Variants in DIP2A observed in about 807,000 individuals in gnomAD.
The protein encoded by DIP2A is DIP2 acetate--CoA ligase A.
Under a neutral mutation model 177.4 loss-of-function variants are expected in DIP2A, and 85 were observed. That is an observed-to-expected ratio of 0.48 (90% CI 0.40 to 0.57). The LOEUF (loss-of-function observed/expected upper bound fraction) is 0.57. Among genes scored for constraint, DIP2A ranks in the 20% least tolerant of loss-of-function variants. The probability of loss-of-function intolerance (pLI) is 0.00; values close to 1 mark genes in which losing one functional copy is unlikely to be tolerated. For synonymous variants in DIP2A, 886 were observed against 881.8 expected, an observed-to-expected ratio of 1.00 and a Z score of -0.08; for missense variants, 1,791 against 2,100.2, an observed-to-expected ratio of 0.85 and a Z score of 2.88.
At chr21:46,572,461 C>G (rs1377576884), downstream of DIP2A, among the ~76,000 whole-genome samples, 6 of 152,088 alleles carry the variant, frequency 3.9e-5, no homozygotes, top group Admixed American at 3.9e-4. Flanking sequence ...TTGAGTGACC[C>G]CCAATGTGGC....
intron 7 of DIP2A, among the ~76,000 whole-genome samples, chr21:46,509,879 G>T (rs935840039): frequency 2.0e-5 from 3 of 152,106 alleles, no homozygotes; most frequent in Non-Finnish European, 4.4e-5. Flanking sequence ...CCCCATGCTG[G>T]TCCTACTCGC....
intron 23 of DIP2A, 87 bp from the exon 24 acceptor site, chr21:46,551,547 T>A: frequency 8.3e-7 from 1 of 1,202,706 alleles, no homozygotes; most frequent in Non-Finnish European, 1.2e-6. Context: ...TCAAGTATGT[T>A]TTCAAAATAA....
intron 37 of DIP2A, 28 bp from the exon 38 acceptor site, chr21:46,567,342 T>A (rs559186731): frequency 6.3e-7 from 1 of 1,599,472 alleles, no homozygotes; most frequent in Non-Finnish European, 8.5e-7. Context: ...CCTGTATCCA[T>A]GTGACCCAGT....
intron 18 of DIP2A, 127 bp downstream of exon 18, chr21:46,542,022 C>T: frequency 8.9e-7 from 1 of 1,122,058 alleles, no homozygotes. Flanking sequence ...GATCTTGGCT[C>T]ACTGCATCCT....
chr21:46,498,618 G>A lies in DIP2A; in HGVS notation c.440G>A (p.Arg147Gln), dbSNP rs748714496. 6.2e-6 allele frequency: 10 copies of A among 1,612,204 alleles called. No individual in the cohort carries two copies. In the African/African-American group the frequency reaches 1.1e-4, roughly 17 times the overall value. The change falls in exon 5 of 38, where the codon CGG (arginine) becomes CAG (glutamine). Residue 147 changes from arginine to glutamine, a missense_variant. By Grantham distance (43) the Arg-to-Gln change is conservative. Coordinates refer to ENST00000417564, the MANE Select transcript of DIP2A (RefSeq NM_015151.4). The surrounding 1 kb of genome is among the most constrained non-coding windows in gnomAD (Gnocchi z 4.3). ...GCCTCAGAAGATGAGGGCTCTTTAC[G>A]GCGACCCGGGCGACTCACCTCCACT... The part of the protein sequence containing the change: ...SSASEDEGSL[R>Q]RPGRLTSTPL...
intron 8 of DIP2A, 25 bp from the exon 9 acceptor site, chr21:46,529,067 G>A: frequency 7.3e-7 from 1 of 1,373,720 alleles, no homozygotes; most frequent in Non-Finnish European, 9.9e-7. Flanking sequence ...ATTTTACATT[G>A]CTTAGTATTT....
intron 1 of DIP2A, among the ~76,000 whole-genome samples, chr21:46,477,485 C>T: frequency 6.7e-6 from 1 of 148,458 alleles, no homozygotes; most frequent in Admixed American, 6.7e-5. Context: ...TGAGATTGCG[C>T]CACTGCACTC....
chr21:46,524,586 G>GT (rs2058980851), intron 8 of DIP2A, among the ~76,000 whole-genome samples: 1 of 152,192 alleles, frequency 6.6e-6, no homozygotes. Flanking sequence ...CTTGGACCTT[G>GT]TGCAAGAAAG....
At chr21:46,460,820 A>C (rs1376851722) in intron 1 of DIP2A, among the ~76,000 whole-genome samples, 1 of 151,750 alleles carries the variant, frequency 6.6e-6, no homozygotes, top group Non-Finnish European at 1.5e-5. Flanking sequence ...CAGCCTCCCG[A>C]GTAGCTGGGA....
Position 46,557,125 on chromosome 21 carries a change from G to C in DIP2A, c.3629+56G>C. ...TGGGAGCAGCTCGTGTGGCTCTTAG[G>C]AACCTTGGCCTTCTAAGGCACCTTT... On this transcript the variant is annotated intron_variant, in intron 30 of 37. Coordinates refer to ENST00000417564, the MANE Select transcript of DIP2A (RefSeq NM_015151.4). The surrounding 1 kb of genome is among the most constrained non-coding windows in gnomAD (Gnocchi z 6.0). 1.3e-6 allele frequency: 2 copies of C among 1,532,974 alleles called. No individual in the cohort carries two copies. Among genetic ancestry groups the C allele is most frequent in the Non-Finnish European group, 1.8e-6 (2 of 1,134,052 alleles). 95.0% of individuals were successfully genotyped at this position (1,532,974 alleles called of 1,614,324 possible). A position where few individuals can be genotyped will look rare whatever the true frequency, so the allele number is the denominator to read the frequency against.
chr21:46,550,132 T>C, intron 22 of DIP2A: 1 of 1,068,446 alleles, frequency 9.4e-7, no homozygotes, highest in South Asian at 1.9e-5. Context: ...TTTATTTTTT[T>C]CTGATGAGAA....
chr21:46,538,539 G>A lies in DIP2A; in HGVS notation c.1858G>A (p.Gly620Ser). 2 of 1,563,278 alleles carry A rather than the reference G, an allele frequency of 1.3e-6. No individual in the cohort carries two copies. The highest frequency in any genetic ancestry group is 1.9e-5 in the Admixed American group (1 of 53,310). Residue 620 changes from glycine to serine, a missense_variant, in exon 16 of 38, where the codon GGC (glycine) becomes AGC (serine). Coordinates refer to ENST00000417564, the MANE Select transcript of DIP2A (RefSeq NM_015151.4). ...GCACTGGTCTCTCCTAGCTCAGCGG[G>A]GCCAGAGGGACGTCAGCCTCAGCTC... is the stretch of plus-strand genomic sequence containing the variant. ...DMHWSLLAQR[G>S]QRDVSLSSLR... is the part of the protein sequence containing the mutation.
chr21:46,485,060 G>A (rs999942954), intron 2 of DIP2A, among the ~76,000 whole-genome samples: 1 of 152,142 alleles, frequency 6.6e-6, no homozygotes, highest in Non-Finnish European at 1.5e-5. Context: ...ATAATTTAAA[G>A]CTCTGGCTTG....
At chr21:46,558,765 A>C (rs754056854) in intron 32 of DIP2A, 11 of 271,210 alleles carry the variant, frequency 4.1e-5, no homozygotes, top group Non-Finnish European at 7.2e-5. Context: ...GTTGACTCAA[A>C]TTCATTTCTG....
chr21:46,560,908 A>G, intron 33 of DIP2A, 125 bp downstream of exon 33: 2 of 1,489,408 alleles, frequency 1.3e-6, no homozygotes, highest in Non-Finnish European at 1.8e-6. Context: ...AGTCAGGCCT[A>G]CCGGGACACC....
At chr21:46,535,449 G>A (rs1015057926) in intron 13 of DIP2A, among the ~76,000 whole-genome samples, 1 of 152,182 alleles carries the variant, frequency 6.6e-6, no homozygotes, top group Non-Finnish European at 1.5e-5. Flanking sequence ...GCCAGGTGCA[G>A]TGGTTCATAC....
chr21:46,534,187 T>A, intron 12 of DIP2A, 74 bp downstream of exon 12: 2 of 1,203,476 alleles, frequency 1.7e-6, no homozygotes, highest in Non-Finnish European at 2.4e-6. Context: ...CATAAGAATG[T>A]AAGTTGCTAT....
In DIP2A at chr21:46,538,470, CCTCT is replaced by C; in HGVS notation, c.1802-8_1802-5del. 1 of 1,542,032 alleles carries C rather than the reference CCTCT, an allele frequency of 6.5e-7. No individual in the cohort carries two copies. The highest frequency in any genetic ancestry group is 1.4e-5 in the African/African-American group (1 of 73,130). On this transcript the variant is annotated splice_polypyrimidine_tract_variant and intron_variant, in intron 15 of 37. Transcript: ENST00000417564. ...TGTGACGCAGGGATGTCTGTGCCAT[CCTCT>C]CTCTGCAGCTCGGGCCGCGCTGGTG...
At chr21:46,560,685 C>T (rs375179011) in intron 32 of DIP2A, 37 bp from the exon 33 acceptor site, 69 of 1,584,108 alleles carry the variant, frequency 4.4e-5, no homozygotes, top group Non-Finnish European at 5.7e-5. Flanking sequence ...TTAAGTGAGG[C>T]CCCTGAACAG....
Sources: gnomAD v4.1 joint callset for allele counts (sites outside exome capture counted in the v4.1 genomes callset) on GRCh38, gnomAD v4.1.1 for gene constraint, Gnocchi (gnomAD v3.1) non-coding constraint, MANE v1.5 for transcripts, NCBI Gene and HGNC (gene_info 2026-07-23, HGNC 2026-07-21) for gene names.